ABHD2: variants seen among roughly 807,000 people sequenced by gnomAD.
ABHD2 encodes the protein monoacylglycerol lipase ABHD2.
ABHD2 carries 20 observed loss-of-function variants against 48.1 expected under a neutral mutation model. The ratio of observed to expected loss-of-function variants is 0.42; its 90% CI spans 0.29 to 0.60. The LOEUF (loss-of-function observed/expected upper bound fraction) is 0.60, where lower values mean the gene tolerates loss of function less well. Ranked by LOEUF, ABHD2 falls within the 20% of genes least tolerant of loss-of-function variation. ABHD2 has a pLI of 0.24. For missense variants in ABHD2, 405 were observed against 550.9 expected (o/e 0.74, Z 2.65); for synonymous variants, 209 against 214.2 (o/e 0.98, Z 0.21).
intron 1 of ABHD2, among the ~76,000 whole-genome samples, chr15:89,099,357 T>A (rs1375187238): frequency 2.0e-5 from 3 of 152,074 alleles, no homozygotes; most frequent in Non-Finnish European, 2.9e-5. Context: ...TCCAGCACAG[T>A]GGGAGGCTAA....
In ABHD2 at chr15:89,146,417, G is replaced by A. The variant is rs994305639; in HGVS notation, c.195-5260G>A. Among the ~76,000 whole-genome samples the A allele has an allele frequency of 6.8e-6, 1 of 146,250 alleles. No homozygotes were observed. The highest frequency in any genetic ancestry group is 2.5e-5 in the African/African-American group (1 of 39,804). On this transcript the variant is annotated intron_variant, in intron 3 of 10. Transcript: ENST00000352732. This position sits in a 1 kb window ranked among gnomAD's most constrained non-coding sequence, Gnocchi z 4.2. ...GTGTGTGTACGTATGTATATGGGGG[G>A]TGGGAGGGAGATCCAGACCCTTGTG...
chr15:89,059,090 C>T, the ABHD2 span, among the ~76,000 whole-genome samples: 5 of 152,294 alleles, frequency 3.3e-5, no homozygotes, highest in African/African-American at 1.2e-4. Flanking sequence ...GAGGACCTGA[C>T]AAGAAGCTCA....
rs144497361 is a variant in ABHD2, at chr15:89,091,177, C to T, written c.-107+2614C>T. ...CCTGCGTGGGTCTGACAAATAGGCA[C>T]TCTCAGTGTGCCAGCCAATTCCCTT... On this transcript the variant is annotated intron_variant, in intron 1 of 10. Coordinates refer to ENST00000352732, the MANE Select transcript of ABHD2 (RefSeq NM_152924.5). This position sits in a 1 kb window ranked among gnomAD's most constrained non-coding sequence, Gnocchi z 5.5. Among the ~76,000 whole-genome samples, 97 of 152,260 alleles carry T rather than the reference C, an allele frequency of 6.4e-4. No homozygotes were observed. The highest frequency in any genetic ancestry group is 2.2e-3 in the African/African-American group (91 of 41,560).
chr15:89,089,520 C>T (rs367885445), intron 1 of ABHD2, among the ~76,000 whole-genome samples: 2 of 152,336 alleles, frequency 1.3e-5, no homozygotes, highest in South Asian at 2.1e-4. Flanking sequence ...TCTTAATCTT[C>T]CCAATCTCTC....
chr15:89,147,702 CACA>C (rs2050518238), intron 3 of ABHD2, among the ~76,000 whole-genome samples: 1 of 151,770 alleles, frequency 6.6e-6, no homozygotes, highest in Non-Finnish European at 1.5e-5. Context: ...TTTAACAAAA[CACA>C]ACAAAATCTA....
chr15:89,115,697 C>T (rs1336136565), intron 2 of ABHD2, among the ~76,000 whole-genome samples: 1 of 152,182 alleles, frequency 6.6e-6, no homozygotes, highest in East Asian at 1.9e-4. Context: ...CTGAGTCTGA[C>T]CCAGACTCCA....
chr15:89,049,235 A>T, the ABHD2 span, among the ~76,000 whole-genome samples: 1 of 152,208 alleles, frequency 6.6e-6, no homozygotes, highest in Admixed American at 6.5e-5. Context: ...TTGAGGAGGC[A>T]GTCTGCCCGT....
At chr15:89,062,043 A>ACT in the ABHD2 span, among the ~76,000 whole-genome samples, 1 of 152,122 alleles carries the variant, frequency 6.6e-6, no homozygotes, top group South Asian at 2.1e-4. Flanking sequence ...GCTTCAAGGA[A>ACT]CTGGAGCAGG....
intron 1 of ABHD2, among the ~76,000 whole-genome samples, chr15:89,096,521 C>T (rs2049615937): frequency 6.6e-6 from 1 of 152,156 alleles, no homozygotes; most frequent in African/African-American, 2.4e-5. Flanking sequence ...GACCCCAGTG[C>T]AGGAATCGAA....
chr15:89,149,818 G>A (rs1054919174), intron 3 of ABHD2, among the ~76,000 whole-genome samples: 3 of 152,234 alleles, frequency 2.0e-5, no homozygotes, highest in Non-Finnish European at 2.9e-5. Context: ...GAGTACCAGG[G>A]TGTAGCCGGC....
chr15:89,075,859 G>C, the ABHD2 span, among the ~76,000 whole-genome samples: 2 of 152,332 alleles, frequency 1.3e-5, no homozygotes, highest in South Asian at 2.1e-4. This position sits in a 1 kb window ranked among gnomAD's most constrained non-coding sequence, Gnocchi z 4.1. Context: ...GAAAACCAGA[G>C]GTGCTTCCCA....
At chr15:89,131,270 A>T (rs1424410193) in intron 3 of ABHD2, among the ~76,000 whole-genome samples, 1 of 152,114 alleles carries the variant, frequency 6.6e-6, no homozygotes, top group African/African-American at 2.4e-5. Flanking sequence ...ACATTTTCTC[A>T]TACTGCATGT....
chr15:89,107,872 C>T (rs570167978), intron 1 of ABHD2, among the ~76,000 whole-genome samples: 2 of 152,218 alleles, frequency 1.3e-5, no homozygotes, highest in African/African-American at 4.8e-5. Flanking sequence ...GAGAGATCTC[C>T]CCCTCCCCCA....
At chr15:89,153,192 A>C (rs1019716358) in intron 4 of ABHD2, among the ~76,000 whole-genome samples, 27 of 152,082 alleles carry the variant, frequency 1.8e-4, no homozygotes, top group Admixed American at 1.8e-3. Flanking sequence ...CTTCTCAGTA[A>C]ATCCATCACG....
At chr15:89,181,771 A>C (rs1408570604) in intron 6 of ABHD2, among the ~76,000 whole-genome samples, 2 of 152,176 alleles carry the variant, frequency 1.3e-5, no homozygotes, top group Non-Finnish European at 2.9e-5. Context: ...TCACTTTGCA[A>C]AATATGAACT....
chr15:89,050,808 A>T, the ABHD2 span, among the ~76,000 whole-genome samples: 12 of 152,204 alleles, frequency 7.9e-5, 1 homozygote, highest in South Asian at 1.0e-3. Context: ...TGGGGAAAAC[A>T]TGCACAAGTG....
At chr15:89,118,063 G>C (rs1044265528) in intron 3 of ABHD2, among the ~76,000 whole-genome samples, 1 of 152,160 alleles carries the variant, frequency 6.6e-6, no homozygotes, top group African/African-American at 2.4e-5. Flanking sequence ...ACAAGAGCAA[G>C]GACATGGTGT....
At chr15:89,063,984 A>G in the ABHD2 span, among the ~76,000 whole-genome samples, 5 of 151,188 alleles carry the variant, frequency 3.3e-5, no homozygotes, top group African/African-American at 1.2e-4. Context: ...GGGGTTGAGG[A>G]CCCCTGCATT....
the ABHD2 span, among the ~76,000 whole-genome samples, chr15:89,052,548 CAGACAGACAG>C: frequency 0.052 from 7,645 of 146,012 alleles, 208 homozygotes; most frequent in Non-Finnish European, 0.063. Context: ...GACAGACAGA[CAGACAGACAG>C]ACACACACAC....
Sources: allele counts gnomAD v4.1 joint callset (sites outside exome capture counted in the v4.1 genomes callset), GRCh38; gene constraint gnomAD v4.1.1; non-coding constraint Gnocchi (gnomAD v3.1); transcripts MANE v1.5; gene names NCBI Gene and HGNC (gene_info 2026-07-23, HGNC 2026-07-21).